SYTL2: variants seen among roughly 807,000 people sequenced by gnomAD.
SYTL2 encodes the protein synaptotagmin-like protein 2.
Under a neutral mutation model 198.7 loss-of-function variants are expected in SYTL2, and 165 were observed. That is an observed-to-expected ratio of 0.83 (90% confidence interval 0.73 to 0.94). The LOEUF is 0.94. SYTL2 is among the 40% of genes least tolerant of loss of function. The pLI, the probability that SYTL2 is intolerant of heterozygous loss-of-function variation, is 0.00. For missense variants in SYTL2, 2,835 were observed against 2,582.8 expected, an observed-to-expected ratio of 1.10 and a Z score of -2.12; for synonymous variants, 966 against 917.7, an observed-to-expected ratio of 1.05 and a Z score of -0.95.
In SYTL2 at chr11:85,696,458, C is replaced by T. The variant is rs192483388; in HGVS notation, c.6369-70G>A. Reference sequence around the variant, plus strand: ...GAACATTCATGCTTTCAATACATAACAACACAGCTATTAAAGATTGACAAT... The same window carrying T: ...GAACATTCATGCTTTCAATACATAATAACACAGCTATTAAAGATTGACAAT... On this transcript the variant is annotated intron_variant, in intron 18 of 19. Transcript: ENST00000359152. 92 of 1,209,086 alleles carry T rather than the reference C, an allele frequency of 7.6e-5. No individual in the cohort carries two copies. The East Asian group carries it at 2.0e-3, about 27-fold the overall frequency. The allele number at this position is 1,209,086 out of a possible 1,614,324, so 74.9% of individuals were successfully genotyped here. A position where few individuals can be genotyped will look rare whatever the true frequency, so the allele number is the denominator to read the frequency against.
chr11:85,822,969 T>G, the SYTL2 span, among the ~76,000 whole-genome samples: 2 of 152,198 alleles, frequency 1.3e-5, no homozygotes, highest in African/African-American at 4.8e-5. Context: ...AAGGTCGCCA[T>G]GCTGGCTTAA....
the SYTL2 span, among the ~76,000 whole-genome samples, chr11:85,852,384 T>A: frequency 2.0e-5 from 3 of 149,006 alleles, no homozygotes; most frequent in Non-Finnish European, 4.4e-5. Context: ...CCCCACGGTC[T>A]CCCTCTCCCT....
At chr11:85,729,848 A>T (rs1366325613) in intron 7 of SYTL2, among the ~76,000 whole-genome samples, 3 of 152,252 alleles carry the variant, frequency 2.0e-5, no homozygotes, top group Admixed American at 2.0e-4. Flanking sequence ...ATAGACCATT[A>T]GCCAGACTAA....
the SYTL2 span, among the ~76,000 whole-genome samples, chr11:85,833,732 T>TC: frequency 6.8e-6 from 1 of 147,890 alleles, no homozygotes; most frequent in African/African-American, 2.5e-5. Context: ...AAGATTTCTT[T>TC]TTTTTTTTTT....
intron 8 of SYTL2, among the ~76,000 whole-genome samples, chr11:85,723,724 C>G (rs565587466): frequency 3.3e-5 from 5 of 152,088 alleles, no homozygotes; most frequent in South Asian, 2.1e-4. Context: ...TCTGAAACAG[C>G]CTTATAGGAA....
At chr11:85,843,868 C>T in the SYTL2 span, among the ~76,000 whole-genome samples, 12 of 152,246 alleles carry the variant, frequency 7.9e-5, no homozygotes, top group Admixed American at 7.2e-4. Context: ...TAGAGTAACT[C>T]ATCCAAGGTC....
At chr11:85,736,037 T>A (rs2090313698) in intron 6 of SYTL2, among the ~76,000 whole-genome samples, 1 of 152,224 alleles carries the variant, frequency 6.6e-6, no homozygotes, top group Admixed American at 6.5e-5. Context: ...CAGGCTGACT[T>A]ACATCAATTG....
chr11:85,800,021 T>C (rs1470662934), intron 1 of SYTL2, among the ~76,000 whole-genome samples: 4 of 152,210 alleles, frequency 2.6e-5, no homozygotes, highest in African/African-American at 9.6e-5. Context: ...AGATCAATCA[T>C]ACCATACTTA....
intron 1 of SYTL2, among the ~76,000 whole-genome samples, chr11:85,769,495 C>T (rs1447704394): frequency 2.6e-5 from 4 of 152,192 alleles, no homozygotes; most frequent in African/African-American, 9.7e-5. Flanking sequence ...CTCTGTTGAT[C>T]TCTTGATTTT....
rs957572128 is a variant in SYTL2, at chr11:85,782,191, G to A, written c.-389-24077C>T. Among the ~76,000 whole-genome samples, 3 of 152,228 alleles carry A rather than the reference G, an allele frequency of 2.0e-5. 1 individual carries two copies. The highest frequency in any genetic ancestry group is 2.0e-4 in the Admixed American group (3 of 15,284). On this transcript the variant is annotated intron_variant, in intron 1 of 19. Coordinates refer to ENST00000359152, the MANE Select transcript of SYTL2 (RefSeq NM_206927.4). ...GTCAATTCTTGACTTCTGTGCACTG[G>A]TAGGCTCAAAACCATGTGGAAGCTG...
chr11:85,714,606 C>A, intron 11 of SYTL2, 99 bp from the exon 12 acceptor site: 1 of 1,486,256 alleles, frequency 6.7e-7, no homozygotes, highest in South Asian at 1.3e-5. Context: ...TATGAACAAA[C>A]ATGTTTTTGT....
At chr11:85,832,792 G>C in the SYTL2 span, among the ~76,000 whole-genome samples, 1 of 151,108 alleles carries the variant, frequency 6.6e-6, no homozygotes, top group African/African-American at 2.4e-5. Context: ...AGGAGTTCAA[G>C]ACCAGCCTGG....
At chr11:85,817,895 G>GTT in the SYTL2 span, among the ~76,000 whole-genome samples, 1 of 135,728 alleles carries the variant, frequency 7.4e-6, no homozygotes, top group African/African-American at 2.8e-5. Context: ...GGACCTTTGT[G>GTT]TCTTTTCTTT....
the SYTL2 span, among the ~76,000 whole-genome samples, chr11:85,822,578 T>C: frequency 6.6e-6 from 1 of 152,208 alleles, no homozygotes; most frequent in Non-Finnish European, 1.5e-5. Flanking sequence ...TAAGTTCCAC[T>C]CCCTGACATC....
chr11:85,704,953 T>C lies in SYTL2; in HGVS notation c.6094A>G (p.Asn2032Asp), dbSNP rs758773181. ...AGTTCCACCTCCCCTAGGAAACTATTGCGCTTAAATGTATCCCGATGCCAA... is the reference window on the plus strand; with the variant it reads ...AGTTCCACCTCCCCTAGGAAACTATCGCGCTTAAATGTATCCCGATGCCAA... ...SIWHRDTFKR[N>D]SFLGEVELDL... The change falls in exon 16 of 20, where the codon AAT becomes GAT. Residue 2032 changes from asparagine (N) to aspartate (D), a missense_variant. By Grantham distance (23) the Asn-to-Asp change is conservative (BLOSUM62 1). Coordinates refer to ENST00000359152, the MANE Select transcript of SYTL2 (RefSeq NM_206927.4). The C allele has an allele frequency of 1.2e-6, 2 of 1,613,698 alleles. No individual in the cohort carries two copies. The highest frequency in any genetic ancestry group is 2.2e-5 in the East Asian group (1 of 44,874).
chr11:85,769,301 G>A (rs1343965498), intron 1 of SYTL2, among the ~76,000 whole-genome samples: 5 of 152,182 alleles, frequency 3.3e-5, no homozygotes, highest in Admixed American at 3.3e-4. Flanking sequence ...GTAATCACAA[G>A]GTCCTTATAA....
At chr11:85,809,230 G>T (rs1297568984) in intron 1 of SYTL2, among the ~76,000 whole-genome samples, 1 of 152,186 alleles carries the variant, frequency 6.6e-6, no homozygotes, top group East Asian at 1.9e-4. Flanking sequence ...TAGGGCTAAC[G>T]GGTCAGATGT....
chr11:85,719,763 AC>A (rs1259360322), intron 9 of SYTL2, among the ~76,000 whole-genome samples: 1 of 152,224 alleles, frequency 6.6e-6, no homozygotes, highest in African/African-American at 2.4e-5. Context: ...AATTGGGAAT[AC>A]TGTCTTCAAA....
chr11:85,756,136 A>G (rs1217976559), intron 2 of SYTL2, among the ~76,000 whole-genome samples: 2 of 152,188 alleles, frequency 1.3e-5, no homozygotes, highest in Non-Finnish European at 2.9e-5. Context: ...TAAGAGGATA[A>G]CATTCATAAA....
Sources: gnomAD v4.1 joint callset for allele counts (sites outside exome capture counted in the v4.1 genomes callset) on GRCh38, gnomAD v4.1.1 for gene constraint, MANE v1.5 for transcripts, NCBI Gene and HGNC (gene_info 2026-07-23, HGNC 2026-07-21) for gene names.